The following SLC24A3 variants were observed in gnomAD, a reference collection of about 807,000 sequenced individuals.
SLC24A3 encodes the protein solute carrier family 24 member 3, also known as sodium/potassium/calcium exchanger 3.
A neutral mutation model predicts 75.8 loss-of-function variants in SLC24A3; 28 were observed. The ratio of observed to expected loss-of-function variants is 0.37; its 90% confidence interval spans 0.27 to 0.51. SLC24A3 has a LOEUF of 0.51. Among genes scored for constraint, SLC24A3 ranks in the 20% least tolerant of loss-of-function variants. The probability of loss-of-function intolerance (pLI) is 0.94; values close to 1 mark genes in which losing one functional copy is unlikely to be tolerated. For synonymous variants in SLC24A3, 372 were observed against 334.1 expected (o/e 1.11, Z -1.24); for missense variants, 663 against 847.8 (o/e 0.78, Z 2.71).
intron 7 of SLC24A3, among the ~76,000 whole-genome samples, chr20:19,656,152 C>A (rs146513941): frequency 1.3e-5 from 2 of 152,150 alleles, no homozygotes; most frequent in Non-Finnish European, 2.9e-5. Flanking sequence ...ATTTTCCCTG[C>A]GGAACCAGAC....
At chr20:19,346,051 GAATA>G (rs1172959408) in intron 2 of SLC24A3, among the ~76,000 whole-genome samples, 1 of 66,532 alleles carries the variant, frequency 1.5e-5, no homozygotes, top group Admixed American at 2.2e-4. Flanking sequence ...ATCAATCAAT[GAATA>G]AAGAAAACTA....
intron 2 of SLC24A3, among the ~76,000 whole-genome samples, chr20:19,334,018 A>C (rs564308007): frequency 6.8e-6 from 1 of 147,502 alleles, no homozygotes; most frequent in South Asian, 2.2e-4. Flanking sequence ...TGACAGGTGC[A>C]TTATATCAGA....
intron 2 of SLC24A3, among the ~76,000 whole-genome samples, chr20:19,461,520 CTTTTTTTTCTT>C (rs1987673200): frequency 4.6e-5 from 6 of 129,364 alleles, no homozygotes; most frequent in South Asian, 2.4e-4. Context: ...CTTTTCTTTT[CTTTTTTTTCTT>C]TTTTTTTTTT....
intron 6 of SLC24A3, among the ~76,000 whole-genome samples, chr20:19,614,255 G>A (rs2031707172): frequency 6.6e-6 from 1 of 152,176 alleles, no homozygotes; most frequent in Admixed American, 6.5e-5. Context: ...CTGTAAAATG[G>A]ATTAATAATA....
At chr20:19,369,597 CA>C (rs1275185893) in intron 2 of SLC24A3, among the ~76,000 whole-genome samples, 1 of 151,914 alleles carries the variant, frequency 6.6e-6, no homozygotes, top group Non-Finnish European at 1.5e-5. Flanking sequence ...TGTGAATTTC[CA>C]TTTTTTTATA....
intron 2 of SLC24A3, among the ~76,000 whole-genome samples, chr20:19,442,915 A>T (rs1280169174): frequency 6.6e-6 from 1 of 152,054 alleles, no homozygotes; most frequent in Admixed American, 6.6e-5. Context: ...TTGCATATGG[A>T]TCTAACTTTC....
chr20:19,381,378 C>G (rs1055734970), intron 2 of SLC24A3, among the ~76,000 whole-genome samples: 3 of 152,072 alleles, frequency 2.0e-5, no homozygotes, highest in Non-Finnish European at 4.4e-5. Flanking sequence ...AAACACAAAG[C>G]AGGATAAAGA....
chr20:19,334,173 A>T (rs747067860), intron 2 of SLC24A3, among the ~76,000 whole-genome samples: 13 of 152,174 alleles, frequency 8.5e-5, no homozygotes, highest in Non-Finnish European at 1.8e-4. Context: ...GTTTATCCTA[A>T]TGACTTGTTA....
At chr20:19,568,742 G>A (rs764014453) in intron 3 of SLC24A3, among the ~76,000 whole-genome samples, 3 of 151,962 alleles carry the variant, frequency 2.0e-5, no homozygotes, top group Non-Finnish European at 4.4e-5. Context: ...TTATTAAAAT[G>A]GTAAATTATG....
At chr20:19,634,712 G>T (rs1036942216) in intron 6 of SLC24A3, among the ~76,000 whole-genome samples, 1 of 152,070 alleles carries the variant, frequency 6.6e-6, no homozygotes, top group Non-Finnish European at 1.5e-5. Context: ...TACAGTGAGA[G>T]AAATCCAATC....
rs573053892 is a variant in SLC24A3 at position 19,251,184 on chromosome 20, G to C, written c.143-29775G>C. Among the ~76,000 whole-genome samples the C allele has an allele frequency of 2.0e-5, 3 of 152,288 alleles. No homozygotes were observed. The East Asian group carries it at 5.8e-4, about 29-fold the overall frequency. On this transcript the variant is annotated intron_variant, in intron 1 of 16. Coordinates refer to ENST00000328041, the MANE Select transcript of SLC24A3 (RefSeq NM_020689.4). ...ACCCTCTAAATGGAAGATAATGTAAGCAAAGAGATTTTAGGGTAGCACTGA... is the reference window on the plus strand; with the variant it reads ...ACCCTCTAAATGGAAGATAATGTAACCAAAGAGATTTTAGGGTAGCACTGA...
At chr20:19,585,322 C>T (rs1402495450) in intron 5 of SLC24A3, 119 bp from the exon 6 acceptor site, 1 of 985,362 alleles carries the variant, frequency 1.0e-6, no homozygotes, top group South Asian at 1.5e-5. Context: ...CTCTCTCCAC[C>T]CCTCAGCTGT....
chr20:19,675,248 C>G (rs1428711855), intron 9 of SLC24A3, among the ~76,000 whole-genome samples: 1 of 152,174 alleles, frequency 6.6e-6, no homozygotes, highest in Admixed American at 6.5e-5. Flanking sequence ...TCTAAATTAG[C>G]CCATGTTTCC....
chr20:19,219,900 A>G (rs1217879585), intron 1 of SLC24A3, among the ~76,000 whole-genome samples: 1 of 152,232 alleles, frequency 6.6e-6, no homozygotes, highest in Admixed American at 6.5e-5. Flanking sequence ...GGCACTCCAG[A>G]CACTGCGGGG....
At chr20:19,454,698 C>T (rs1987548922) in intron 2 of SLC24A3, among the ~76,000 whole-genome samples, 1 of 152,092 alleles carries the variant, frequency 6.6e-6, no homozygotes, top group African/African-American at 2.4e-5. Context: ...TAGGGGTAAC[C>T]ACAAAGTATA....
chr20:19,588,701 C>T (rs1442183409), intron 6 of SLC24A3, among the ~76,000 whole-genome samples: 6 of 152,126 alleles, frequency 3.9e-5, no homozygotes, highest in African/African-American at 9.7e-5. Context: ...GAGAAAACAC[C>T]GAGCTCTTGA....
chr20:19,567,102 G>A (rs2030970628), intron 3 of SLC24A3, among the ~76,000 whole-genome samples: 1 of 152,198 alleles, frequency 6.6e-6, no homozygotes, highest in South Asian at 2.1e-4. Context: ...CCATTTGGAG[G>A]TTTGTCAAGA....
intron 2 of SLC24A3, among the ~76,000 whole-genome samples, chr20:19,370,228 GT>G (rs1363934211): frequency 1.3e-5 from 2 of 152,124 alleles, no homozygotes; most frequent in African/African-American, 4.8e-5. Context: ...CATATTAATT[GT>G]TTTTTTGATG....
intron 6 of SLC24A3, among the ~76,000 whole-genome samples, chr20:19,634,226 C>T (rs553312513): frequency 6.6e-6 from 1 of 152,218 alleles, no homozygotes; most frequent in East Asian, 1.9e-4. Context: ...TCAAAGCATG[C>T]CTGAGTCAAC....
Sources: allele counts gnomAD v4.1 joint callset (sites outside exome capture counted in the v4.1 genomes callset), GRCh38; gene constraint gnomAD v4.1.1; transcripts MANE v1.5; gene names NCBI Gene and HGNC (gene_info 2026-07-23, HGNC 2026-07-21).